Variants in SLC30A8 observed in about 807,000 individuals in gnomAD.
SLC30A8 encodes the protein solute carrier family 30 member 8, also known as proton-coupled zinc antiporter SLC30A8.
In SLC30A8, 27 loss-of-function variants were observed where a neutral mutation model predicts 36.9. The ratio of observed to expected loss-of-function variants is 0.73; its 90% CI spans 0.54 to 1.01. The LOEUF is 1.01. SLC30A8 is among the 50% of genes least tolerant of loss of function. The pLI is 0.00. For synonymous variants in SLC30A8, 164 were observed against 172.4 expected (o/e 0.95, Z 0.38); for missense variants, 439 against 452.0 (o/e 0.97, Z 0.26).
At chr8:117,126,545 C>CCCATCCATCCATCCAT (rs57441824) in intron 2 of SLC30A8, among the ~76,000 whole-genome samples, 18 of 149,706 alleles carry the variant, frequency 1.2e-4, no homozygotes, top group African/African-American at 3.7e-4. Context: ...CATCCACCAA[C>CCCATCCATCCATCCAT]CCATCCATCC....
At chr8:117,066,635 T>C (rs1379854859) in intron 2 of SLC30A8, among the ~76,000 whole-genome samples, 1 of 152,284 alleles carries the variant, frequency 6.6e-6, no homozygotes, top group Admixed American at 6.5e-5. Flanking sequence ...ATGTTGTGAT[T>C]GGTTGAAGAC....
At chr8:117,147,185 C>T in intron 2 of SLC30A8, 32 bp downstream of exon 2, 2 of 1,589,886 alleles carry the variant, frequency 1.3e-6, no homozygotes, top group Non-Finnish European at 1.7e-6. Context: ...TTTCATTAAA[C>T]AACCAAACAA....
At chr8:116,991,850 G>C (rs1815655076) in intron 1 of SLC30A8, among the ~76,000 whole-genome samples, 1 of 152,156 alleles carries the variant, frequency 6.6e-6, no homozygotes, top group Middle Eastern at 3.4e-3. Context: ...ATCATGCAAG[G>C]GTCCACTGCT....
chr8:117,103,690 G>A (rs1031942099), intron 2 of SLC30A8, among the ~76,000 whole-genome samples: 7 of 152,108 alleles, frequency 4.6e-5, no homozygotes, highest in African/African-American at 1.7e-4. Flanking sequence ...GGCCAGACTG[G>A]TCTCGAACTC....
In SLC30A8 at chr8:117,041,241, G is replaced by A. The variant is rs1181289019; in HGVS notation, c.-226+1983G>A. Among the ~76,000 whole-genome samples the A allele has an allele frequency of 2.0e-5, 3 of 152,192 alleles. No homozygotes were observed. The East Asian group carries it at 5.8e-4, about 29-fold the overall frequency. Reference sequence around the variant, plus strand: ...CTTGGCAGCAGAAGGAATTTTTAGTGGGGCTCAGATTGAGGGAGGGGTGGA... The same window carrying A: ...CTTGGCAGCAGAAGGAATTTTTAGTAGGGCTCAGATTGAGGGAGGGGTGGA... On this transcript the variant is annotated intron_variant, in intron 2 of 10. Coordinates refer to the SLC30A8 transcript ENST00000427715.
intron 1 of SLC30A8, 134 bp from the exon 2 acceptor site, chr8:117,146,820 A>G: frequency 2.8e-6 from 4 of 1,447,690 alleles, no homozygotes; most frequent in Non-Finnish European, 3.6e-6. Context: ...TTCTTGTAGA[A>G]GGAGCTGCAA....
chr8:117,108,764 T>C (rs1484594556), intron 2 of SLC30A8, among the ~76,000 whole-genome samples: 1 of 152,176 alleles, frequency 6.6e-6, no homozygotes, highest in Non-Finnish European at 1.5e-5. Flanking sequence ...CCAATATTCA[T>C]GACACAGAGC....
At chr8:117,155,230 C>T (rs1371387371) in intron 3 of SLC30A8, among the ~76,000 whole-genome samples, 1 of 152,180 alleles carries the variant, frequency 6.6e-6, no homozygotes, top group East Asian at 1.9e-4. Context: ...GTCTTAAGAT[C>T]TGACTCCTGA....
chr8:117,109,799 C>T (rs1198954151), intron 2 of SLC30A8, among the ~76,000 whole-genome samples: 3 of 152,102 alleles, frequency 2.0e-5, no homozygotes, highest in African/African-American at 7.2e-5. Flanking sequence ...TAACAAAGAG[C>T]CTTAGTGCTG....
intron 1 of SLC30A8, among the ~76,000 whole-genome samples, chr8:117,143,295 CTCTTTTTCTCCG>C (rs1821743598): frequency 1.3e-5 from 2 of 152,168 alleles, no homozygotes; most frequent in South Asian, 4.1e-4. Context: ...ACTTTTTCAT[CTCTTTTTCTCCG>C]TCTTTTTTCT....
At chr8:117,075,882 C>T (rs984786637) in intron 2 of SLC30A8, among the ~76,000 whole-genome samples, 1 of 152,092 alleles carries the variant, frequency 6.6e-6, no homozygotes, top group African/African-American at 2.4e-5. Flanking sequence ...TTCCCTGTAC[C>T]CTCTGTCTCA....
At chr8:117,037,720 A>G (rs1254791718) in intron 1 of SLC30A8, among the ~76,000 whole-genome samples, 1 of 152,224 alleles carries the variant, frequency 6.6e-6, no homozygotes, top group Non-Finnish European at 1.5e-5. Context: ...AAAACAAGGC[A>G]TATGCATCTA....
At chr8:117,160,452 C>CGT (rs1822731980) in intron 4 of SLC30A8, among the ~76,000 whole-genome samples, 1 of 147,020 alleles carries the variant, frequency 6.8e-6, no homozygotes, top group African/African-American at 2.5e-5. Context: ...CATGTGCGCG[C>CGT]GGTGGGGGAG....
At chr8:117,023,756 A>G (rs946504740) in intron 1 of SLC30A8, among the ~76,000 whole-genome samples, 3 of 151,442 alleles carry the variant, frequency 2.0e-5, no homozygotes, top group Non-Finnish European at 4.4e-5. Flanking sequence ...GCATTTGGAG[A>G]TATACCTAAA....
chr8:117,070,783 A>G (rs1350154467), intron 2 of SLC30A8, among the ~76,000 whole-genome samples: 1 of 152,074 alleles, frequency 6.6e-6, no homozygotes, highest in Non-Finnish European at 1.5e-5. Flanking sequence ...TCTACTTTCT[A>G]CTTCTATGAG....
chr8:117,172,544 C>A lies in SLC30A8; in HGVS notation c.973C>A (p.Arg325=), dbSNP rs13266634. 1 of 1,613,184 alleles carries A rather than the reference C, an allele frequency of 6.2e-7. No homozygotes were observed. Among genetic ancestry groups the A allele is most frequent in the African/African-American group, 1.3e-5 (1 of 74,850 alleles). Residue 325 remains arginine, a synonymous_variant, in exon 8 of 8, where the codon CGG becomes AGG. Transcript: ENST00000456015. ...TGCTTCTTTATCAACAGCAGCCAGC[C>A]GGGACAGCCAAGTGGTTCGGAGAGA... is the stretch of plus-strand genomic sequence containing the variant. ...LSAHVATAAS[R]DSQVVRREIA...
At chr8:117,113,584 T>G (rs1342347469) in intron 2 of SLC30A8, among the ~76,000 whole-genome samples, 1 of 152,142 alleles carries the variant, frequency 6.6e-6, no homozygotes, top group Non-Finnish European at 1.5e-5. Flanking sequence ...AACAATTGCC[T>G]GCATTGTGAT....
intron 1 of SLC30A8, among the ~76,000 whole-genome samples, chr8:116,978,722 G>A (rs1490146362): frequency 6.6e-6 from 1 of 152,130 alleles, no homozygotes; most frequent in African/African-American, 2.4e-5. Context: ...CTGCCCCTTG[G>A]AGATATTCTG....
Position 117,009,247 on chromosome 8 carries a change from A to G in SLC30A8, c.-265-29972A>G, listed in dbSNP as rs575207704. 1.1e-4 allele frequency among the ~76,000 whole-genome samples: 16 copies of G among 152,296 alleles called. No individual in the cohort carries two copies. In the South Asian group the frequency reaches 3.1e-3, roughly 30 times the overall value. On this transcript the variant is annotated intron_variant, in intron 1 of 10. Transcript: ENST00000427715. ...AAGAATCTCTAATGGTGGAATTGCAAATACTCTTAAGTCAGTGAAGGGAGA... is the reference window on the plus strand; with the variant it reads ...AAGAATCTCTAATGGTGGAATTGCAGATACTCTTAAGTCAGTGAAGGGAGA...
Sources: allele counts gnomAD v4.1 joint callset (sites outside exome capture counted in the v4.1 genomes callset), GRCh38; gene constraint gnomAD v4.1.1; transcripts MANE v1.5; gene names NCBI Gene and HGNC (gene_info 2026-07-23, HGNC 2026-07-21).